Variants in NUAK1 observed in about 807,000 individuals in gnomAD.
NUAK1 encodes the protein NUAK family kinase 1.
In NUAK1, 26 loss-of-function variants were observed where a neutral mutation model predicts 56.9. That is an observed-to-expected ratio of 0.46 (90% CI 0.33 to 0.63). The LOEUF (loss-of-function observed/expected upper bound fraction) is 0.63, where lower values mean the gene tolerates loss of function less well. Among genes scored for constraint, NUAK1 ranks in the 30% least tolerant of loss-of-function variants. The pLI is 0.02. For synonymous variants in NUAK1, 337 were observed against 336.0 expected (o/e 1.00, Z -0.03); for missense variants, 727 against 876.1 (o/e 0.83, Z 2.15).
At chr12:106,114,843 T>C (rs755258670) in intron 1 of NUAK1, among the ~76,000 whole-genome samples, 1 of 152,192 alleles carries the variant, frequency 6.6e-6, no homozygotes, top group Non-Finnish European at 1.5e-5. Flanking sequence ...AACTGTTGCA[T>C]CATTAATAAA....
chr12:106,135,506 C>A (rs779316704), intron 1 of NUAK1, among the ~76,000 whole-genome samples: 4 of 152,194 alleles, frequency 2.6e-5, no homozygotes, highest in Non-Finnish European at 4.4e-5. Flanking sequence ...ATCACATCCT[C>A]ATTTTTTAGA....
intron 4 of NUAK1, among the ~76,000 whole-genome samples, chr12:106,079,634 A>G (rs1051281480): frequency 3.3e-5 from 5 of 152,204 alleles, no homozygotes; most frequent in African/African-American, 1.2e-4. Flanking sequence ...CAAGTCCTAT[A>G]CCAGGGGCCT....
intron 1 of NUAK1, among the ~76,000 whole-genome samples, chr12:106,114,395 C>G (rs1236597391): frequency 6.6e-6 from 1 of 152,218 alleles, no homozygotes; most frequent in Non-Finnish European, 1.5e-5. Flanking sequence ...GCTCAGTTTC[C>G]TCACCTGCAA....
At chr12:106,086,916 C>G (rs2032577575) in intron 2 of NUAK1, 31 bp from the exon 3 acceptor site, 5 of 1,596,488 alleles carry the variant, frequency 3.1e-6, no homozygotes, top group Non-Finnish European at 4.3e-6. Context: ...TACACAAACA[C>G]CCCGTTTAGC....
chr12:106,111,630 C>G (rs2032860395), intron 1 of NUAK1, among the ~76,000 whole-genome samples: 1 of 151,806 alleles, frequency 6.6e-6, no homozygotes, highest in Non-Finnish European at 1.5e-5. Flanking sequence ...GTCTGGGTAT[C>G]CAGCCTGGGA....
rs979290562 is a variant in NUAK1, at chr12:106,064,157, A to T, written c.*2645T>A. Reference sequence around the variant, plus strand: ...GTAATTCCACAGAAGTGAATAAAGCATAACTTCTTTGACTGGGATTGGCTG... The same window carrying T: ...GTAATTCCACAGAAGTGAATAAAGCTTAACTTCTTTGACTGGGATTGGCTG... On this transcript the variant is annotated 3_prime_UTR_variant, in exon 7 of 7. Coordinates refer to ENST00000261402, the MANE Select transcript of NUAK1 (RefSeq NM_014840.3). The T allele has an allele frequency of 6.6e-6, 1 of 152,666 alleles. No individual in the cohort carries two copies. Among genetic ancestry groups the T allele is most frequent in the African/African-American group, 2.4e-5 (1 of 41,460 alleles). 9.5% of individuals were successfully genotyped at this position (152,666 alleles called of 1,614,324 possible).
At chr12:106,077,269 A>T (rs918204101) in intron 4 of NUAK1, among the ~76,000 whole-genome samples, 6 of 152,208 alleles carry the variant, frequency 3.9e-5, no homozygotes, top group African/African-American at 1.4e-4. Context: ...GGACCTGCCA[A>T]GTCACTCAAG....
chr12:106,072,951 T>C, intron 4 of NUAK1, 108 bp from the exon 5 acceptor site: 1 of 1,298,276 alleles, frequency 7.7e-7, no homozygotes, highest in Non-Finnish European at 1.1e-6. Flanking sequence ...GGCACCTGGG[T>C]GGGTCTGCTG....
At chr12:106,125,809 T>G (rs532261914) in intron 1 of NUAK1, among the ~76,000 whole-genome samples, 1 of 152,060 alleles carries the variant, frequency 6.6e-6, no homozygotes, top group East Asian at 1.9e-4. Flanking sequence ...TGATGAAAAA[T>G]GAGGTTCTTC....
At chr12:106,130,095 C>A (rs2033062079) in intron 1 of NUAK1, among the ~76,000 whole-genome samples, 1 of 152,302 alleles carries the variant, frequency 6.6e-6, no homozygotes, top group African/African-American at 2.4e-5. Flanking sequence ...GATTCTCCTG[C>A]CTCAGCCTCC....
At chr12:106,122,073 G>A (rs960652624) in intron 1 of NUAK1, among the ~76,000 whole-genome samples, 3 of 152,110 alleles carry the variant, frequency 2.0e-5, no homozygotes, top group Admixed American at 2.0e-4. Flanking sequence ...TTATGCCTGG[G>A]TGTACTACAC....
chr12:106,084,204 A>T (rs894915318), intron 3 of NUAK1, among the ~76,000 whole-genome samples: 1 of 152,180 alleles, frequency 6.6e-6, no homozygotes, highest in Admixed American at 6.5e-5. Flanking sequence ...GTAAAACAGC[A>T]GGGGGATTCT....
intron 1 of NUAK1, among the ~76,000 whole-genome samples, chr12:106,132,254 C>T (rs11612091): frequency 0.36 from 55,414 of 152,150 alleles, 10,135 homozygotes; most frequent in East Asian, 0.48. Context: ...TTTCCTTCCC[C>T]ACAAATCTAA....
rs777121945 is a variant in NUAK1 at position 106,067,530 on chromosome 12, C to T, written c.1258G>A (p.Val420Ile). The change falls in exon 7 of 7, where the codon GTA becomes ATA. Residue 420 changes from valine to isoleucine, a missense_variant. Val to Ile is a conservative substitution (Grantham distance 29). Coordinates refer to ENST00000261402, the MANE Select transcript of NUAK1 (RefSeq NM_014840.3). The surrounding 1 kb of genome is among the most constrained non-coding windows in gnomAD (Gnocchi z 6.0). Reference sequence around the variant, plus strand: ...GTAGAGGGTAAGGCAGGACCAACTACACCTTCAATGAAGCCAGTGCTGTGA... The same window carrying T: ...GTAGAGGGTAAGGCAGGACCAACTATACCTTCAATGAAGCCAGTGCTGTGA... Reference protein sequence around the residue: ...RSHSTGFIEGVVGPALPSTFK... With the variant: ...RSHSTGFIEGIVGPALPSTFK... 3.1e-6 allele frequency: 5 copies of T among 1,614,112 alleles called. No homozygotes were observed. The highest frequency in any genetic ancestry group is 2.7e-5 in the African/African-American group (2 of 74,946).
At chr12:106,109,555 GAAAAAAA>G (rs5800702) in intron 1 of NUAK1, among the ~76,000 whole-genome samples, 22 of 123,526 alleles carry the variant, frequency 1.8e-4, no homozygotes, top group South Asian at 2.7e-4. Context: ...GGTTGTTAAG[GAAAAAAA>G]AAAAAAAAAA....
intron 1 of NUAK1, among the ~76,000 whole-genome samples, chr12:106,115,157 C>G (rs2032903168): frequency 2.0e-5 from 3 of 152,152 alleles, no homozygotes; most frequent in Admixed American, 2.0e-4. Flanking sequence ...GCTAGGAACA[C>G]AAAAACCTAA....
Position 106,072,715 on chromosome 12 carries a change from G to A in NUAK1, c.699+9C>T, listed in dbSNP as rs139537105. 9.9e-6 allele frequency: 16 copies of A among 1,612,802 alleles called. No individual in the cohort carries two copies. The East Asian group carries it at 3.6e-4, about 36-fold the overall frequency. ...CCCCTGCCCCATACACATTGGGAAAGCTGCTCACCTCTGGCCCTCGGTAAG... is the reference window on the plus strand; with the variant it reads ...CCCCTGCCCCATACACATTGGGAAAACTGCTCACCTCTGGCCCTCGGTAAG... On this transcript the variant is annotated intron_variant, in intron 5 of 6. Transcript: ENST00000261402.
intron 4 of NUAK1, among the ~76,000 whole-genome samples, chr12:106,077,820 T>C (rs970945949): frequency 6.6e-6 from 1 of 152,214 alleles, no homozygotes; most frequent in African/African-American, 2.4e-5. Context: ...TAAGCCTGCA[T>C]TTCTTCATCT....
chr12:106,107,038 G>C (rs951641900), intron 1 of NUAK1, among the ~76,000 whole-genome samples: 2 of 152,170 alleles, frequency 1.3e-5, no homozygotes, highest in East Asian at 1.9e-4. Context: ...AGGCTATGCT[G>C]TGTTTACGCA....
Sources: allele counts gnomAD v4.1 joint callset (sites outside exome capture counted in the v4.1 genomes callset), GRCh38; gene constraint gnomAD v4.1.1; non-coding constraint Gnocchi (gnomAD v3.1); transcripts MANE v1.5; gene names NCBI Gene and HGNC (gene_info 2026-07-23, HGNC 2026-07-21).